SPPL2A: variants seen among roughly 807,000 people sequenced by gnomAD.
SPPL2A encodes signal peptide peptidase-like 2A.
In SPPL2A, 51 loss-of-function variants were observed where a neutral mutation model predicts 63.8. The observed-to-expected ratio is 0.80, with a 90% CI of 0.64 to 1.01. The LOEUF (loss-of-function observed/expected upper bound fraction) is 1.01. Ranked by LOEUF, SPPL2A falls within the 50% of genes least tolerant of loss-of-function variation. The pLI is 0.00. For missense variants in SPPL2A, 553 were observed against 622.7 expected, an observed-to-expected ratio of 0.89 and a Z score of 1.19; for synonymous variants, 188 against 205.8, an observed-to-expected ratio of 0.91 and a Z score of 0.74.
chr15:50,730,285 A>G (rs1447219556), intron 10 of SPPL2A, among the ~76,000 whole-genome samples: 1 of 152,198 alleles, frequency 6.6e-6, no homozygotes, highest in Admixed American at 6.6e-5. Context: ...CCAGTTGCTC[A>G]GATTCTAACT....
At chr15:50,716,399 T>G (rs1374491431) in intron 14 of SPPL2A, among the ~76,000 whole-genome samples, 3 of 152,146 alleles carry the variant, frequency 2.0e-5, no homozygotes, top group African/African-American at 7.2e-5. Context: ...TTTGTCATGT[T>G]GGCCAGGCTG....
chr15:50,708,901 G>C (rs968807259), intron 14 of SPPL2A, among the ~76,000 whole-genome samples: 3 of 151,810 alleles, frequency 2.0e-5, no homozygotes, highest in African/African-American at 7.3e-5. Flanking sequence ...GCCAGGCGTG[G>C]TGGCAAGCGC....
At chr15:50,726,934 C>T (rs1567154871) in intron 10 of SPPL2A, among the ~76,000 whole-genome samples, 1 of 152,192 alleles carries the variant, frequency 6.6e-6, no homozygotes, top group Non-Finnish European at 1.5e-5. Flanking sequence ...AGAAGCTTCT[C>T]TAGCCTAACT....
At position 50,704,039 on chromosome 15, in the gene SPPL2A, A is replaced by T. The variant is rs1038487654; in HGVS notation, c.*3761T>A. The T allele has an allele frequency of 6.6e-6, 1 of 152,142 alleles. No homozygotes were observed. The highest frequency in any genetic ancestry group is 2.1e-4 in the South Asian group (1 of 4,824). 9.4% of individuals were successfully genotyped at this position (152,142 alleles called of 1,614,324 possible). ...TTGCAGATTCTACTAAGGAATTGCT[A>T]ATCTAAAAAAAAATCTACAAGTGCC... is the stretch of plus-strand genomic sequence containing the variant. On this transcript the variant is annotated 3_prime_UTR_variant, in exon 15 of 15. Coordinates refer to ENST00000261854, the MANE Select transcript of SPPL2A (RefSeq NM_032802.4).
At chr15:50,747,078 T>C (rs1280642763) in intron 5 of SPPL2A, among the ~76,000 whole-genome samples, 1 of 152,192 alleles carries the variant, frequency 6.6e-6, no homozygotes, top group East Asian at 1.9e-4. Context: ...ATTACTAACA[T>C]CCTTAGAATT....
intron 6 of SPPL2A, among the ~76,000 whole-genome samples, chr15:50,738,379 T>C (rs1019239247): frequency 7.2e-5 from 11 of 151,860 alleles, no homozygotes; most frequent in African/African-American, 2.2e-4. Context: ...TGAAATCCCG[T>C]CTGTACTAAC....
chr15:50,703,345 TACATA>T lies in SPPL2A; in HGVS notation c.*4450_*4454del, dbSNP rs1817160581. ...ATATACATATATATATATATATATA[TACATA>T]TATATATTTTTTTTTTTTTTTTTTT... On this transcript the variant is annotated 3_prime_UTR_variant, in exon 15 of 15. Coordinates refer to ENST00000261854, the MANE Select transcript of SPPL2A (RefSeq NM_032802.4). 3 of 87,218 alleles carry T rather than the reference TACATA, an allele frequency of 3.4e-5. No homozygotes were observed. The highest frequency in any genetic ancestry group is 6.8e-5 in the Non-Finnish European group (3 of 44,284). The allele number at this position is 87,218 out of a possible 1,614,324, so 5.4% of individuals were successfully genotyped here.
At chr15:50,761,016 GT>G in intron 1 of SPPL2A, among the ~76,000 whole-genome samples, 1 of 152,022 alleles carries the variant, frequency 6.6e-6, no homozygotes, top group Non-Finnish European at 1.5e-5. Flanking sequence ...GTGTGTGTGT[GT>G]GTGTGTTTTT....
intron 3 of SPPL2A, 107 bp from the exon 4 acceptor site, chr15:50,748,309 A>G: frequency 4.1e-6 from 2 of 492,066 alleles, no homozygotes; most frequent in Non-Finnish European, 6.9e-6. Context: ...GTTATAAGAC[A>G]AAATTTCAGG....
chr15:50,763,893 G>C (rs1263082389), intron 1 of SPPL2A, among the ~76,000 whole-genome samples: 1 of 151,872 alleles, frequency 6.6e-6, no homozygotes, highest in African/African-American at 2.4e-5. Flanking sequence ...GTGAGACTCC[G>C]TCTCGAAAAA....
At chr15:50,739,097 G>C (rs1349840436) in intron 6 of SPPL2A, among the ~76,000 whole-genome samples, 1 of 150,664 alleles carries the variant, frequency 6.6e-6, no homozygotes, top group East Asian at 1.9e-4. Context: ...TCTACAGAGA[G>C]GAAAACTTAG....
At chr15:50,760,450 G>A (rs928509992) in intron 1 of SPPL2A, among the ~76,000 whole-genome samples, 4 of 151,950 alleles carry the variant, frequency 2.6e-5, no homozygotes, top group African/African-American at 7.2e-5. Flanking sequence ...TAGTAGAGAC[G>A]GGGTTTCATC....
intron 11 of SPPL2A, chr15:50,725,580 G>GCA: frequency 3.6e-6 from 1 of 275,962 alleles, no homozygotes; most frequent in East Asian, 8.9e-5. Flanking sequence ...ACAGGCATGA[G>GCA]CCACCATGCC....
chr15:50,761,964 T>C (rs1452804958), intron 1 of SPPL2A, among the ~76,000 whole-genome samples: 1 of 149,334 alleles, frequency 6.7e-6, no homozygotes, highest in African/African-American at 2.5e-5. Context: ...GCATAAACAA[T>C]ATCCATTGTC....
intron 14 of SPPL2A, among the ~76,000 whole-genome samples, chr15:50,713,479 A>T (rs925382918): frequency 6.6e-6 from 1 of 151,762 alleles, no homozygotes; most frequent in South Asian, 2.1e-4. Context: ...TGGTCAGACT[A>T]GTCTCGAACT....
At chr15:50,720,124 A>T in intron 13 of SPPL2A, 24 bp from the exon 14 acceptor site, 1 of 1,586,794 alleles carries the variant, frequency 6.3e-7, no homozygotes, top group Non-Finnish European at 8.6e-7. Context: ...ACCAAGCTAT[A>T]AGTCATTTCT....
At chr15:50,725,022 C>T (rs1171560163) in intron 12 of SPPL2A, among the ~76,000 whole-genome samples, 199 bp downstream of exon 12, 3 of 152,148 alleles carry the variant, frequency 2.0e-5, no homozygotes, top group African/African-American at 7.2e-5. Flanking sequence ...GCCATGGGAG[C>T]TATTGCAGTA....
chr15:50,730,579 G>T (rs1416769040), intron 10 of SPPL2A, among the ~76,000 whole-genome samples: 3 of 152,132 alleles, frequency 2.0e-5, no homozygotes, highest in Non-Finnish European at 4.4e-5. Context: ...GCCTATGGTT[G>T]CAAGGTTACA....
At chr15:50,731,927 CA>C (rs60624824) in intron 9 of SPPL2A, among the ~76,000 whole-genome samples, 85 of 64,222 alleles carry the variant, frequency 1.3e-3, no homozygotes, top group South Asian at 4.6e-3. Context: ...GACTCCATCT[CA>C]AAAAAAAAAA....
Sources: allele counts gnomAD v4.1 joint callset (sites outside exome capture counted in the v4.1 genomes callset), GRCh38; gene constraint gnomAD v4.1.1; transcripts MANE v1.5; gene names NCBI Gene and HGNC (gene_info 2026-07-23, HGNC 2026-07-21).